The following PLPPR1 variants were observed in gnomAD, a reference collection of about 807,000 sequenced individuals.
PLPPR1 encodes the protein phospholipid phosphatase related 1, also known as phospholipid phosphatase-related protein type 1.
Under a neutral mutation model 33.1 loss-of-function variants are expected in PLPPR1, and 10 were observed. The ratio of observed to expected loss-of-function variants is 0.30; its 90% CI spans 0.19 to 0.51. The LOEUF (loss-of-function observed/expected upper bound fraction) is 0.51. Ranked by LOEUF, PLPPR1 falls within the 20% of genes least tolerant of loss-of-function variation. The pLI is 0.97. For synonymous variants in PLPPR1, 151 were observed against 151.0 expected (o/e 1.00, Z 0.00); for missense variants, 304 against 408.1 (o/e 0.74, Z 2.20).
intron 1 of PLPPR1, among the ~76,000 whole-genome samples, chr9:101,163,090 G>A (rs1315479865): frequency 6.6e-6 from 1 of 152,032 alleles, no homozygotes; most frequent in African/African-American, 2.4e-5. Flanking sequence ...AGGTGTCCTG[G>A]GAATTAACCT....
intron 3 of PLPPR1, among the ~76,000 whole-genome samples, chr9:101,280,642 G>A (rs1432921223): frequency 6.6e-6 from 1 of 152,058 alleles, no homozygotes. Context: ...ATCAATCAAT[G>A]TGATACATCA....
At chr9:101,304,417 G>A (rs962303803) in intron 4 of PLPPR1, among the ~76,000 whole-genome samples, 3 of 152,106 alleles carry the variant, frequency 2.0e-5, no homozygotes, top group African/African-American at 7.2e-5. Context: ...CTAGGTGCTG[G>A]GAATACAATG....
At chr9:101,211,742 G>A (rs893539226) in intron 2 of PLPPR1, among the ~76,000 whole-genome samples, 4 of 152,204 alleles carry the variant, frequency 2.6e-5, no homozygotes, top group Non-Finnish European at 4.4e-5. Flanking sequence ...CTTTTGGACA[G>A]AAGGAGTAAC....
At position 101,316,616 on chromosome 9, in the gene PLPPR1, C is replaced by CAAAAAAAAAAAAAAAAAAAAAAAA. The variant is rs553324474; in HGVS notation, c.814-737_814-736insAAAAAAAAAAAAAAAAAAAAAAAA. On this transcript the variant is annotated intron_variant, in intron 6 of 7. Transcript: ENST00000374874. ...AGGGAAAAGGAGGGTTCTTCTTGGG[C>CAAAAAAAAAAAAAAAAAAAAAAAA]AAAAAAAAAAAAGCAGGGAAGATGG... Among the ~76,000 whole-genome samples, 23 of 82,526 alleles carry CAAAAAAAAAAAAAAAAAAAAAAAA rather than the reference C, an allele frequency of 2.8e-4. 3 individuals carry two copies. The highest frequency in any genetic ancestry group is 5.6e-3 in the Middle Eastern group (1 of 178). 54.1% of individuals were successfully genotyped at this position (82,526 alleles called of 152,430 possible). A position where few individuals can be genotyped will look rare whatever the true frequency, so the allele number is the denominator to read the frequency against.
At chr9:101,208,219 G>A (rs758636207) in intron 2 of PLPPR1, among the ~76,000 whole-genome samples, 1 of 152,184 alleles carries the variant, frequency 6.6e-6, no homozygotes, top group Non-Finnish European at 1.5e-5. Context: ...TTTTTAAGGG[G>A]ACAGTGTAGA....
chr9:101,113,065 C>G (rs117284888), intron 1 of PLPPR1, among the ~76,000 whole-genome samples: 1,568 of 152,244 alleles, frequency 0.01, 10 homozygotes, highest in Middle Eastern at 0.02. Context: ...GTTGTATATA[C>G]CTGGACCCTC....
chr9:101,207,792 A>AGTGCT (rs574881583), intron 2 of PLPPR1, among the ~76,000 whole-genome samples: 74 of 152,330 alleles, frequency 4.9e-4, no homozygotes, highest in South Asian at 4.4e-3. Flanking sequence ...AAAAAGAAAG[A>AGTGCT]GTGCTTCTGG....
chr9:101,106,220 G>C (rs967809760), intron 1 of PLPPR1, among the ~76,000 whole-genome samples: 1 of 147,452 alleles, frequency 6.8e-6, no homozygotes, highest in Non-Finnish European at 1.5e-5. Flanking sequence ...TTGCTCGTTA[G>C]TTGATGCAGT....
chr9:101,178,598 C>T (rs1826053045), intron 1 of PLPPR1, among the ~76,000 whole-genome samples: 1 of 152,166 alleles, frequency 6.6e-6, no homozygotes. Flanking sequence ...TGGGCTCATG[C>T]TCATGGAATT....
intron 1 of PLPPR1, among the ~76,000 whole-genome samples, chr9:101,159,520 G>A (rs1307834205): frequency 6.6e-6 from 1 of 152,220 alleles, no homozygotes; most frequent in Non-Finnish European, 1.5e-5. Context: ...AAGGTGGAAT[G>A]AGAGACTTCC....
At chr9:101,321,621 C>T (rs1829151949) in intron 7 of PLPPR1, among the ~76,000 whole-genome samples, 1 of 151,958 alleles carries the variant, frequency 6.6e-6, no homozygotes. Context: ...CAGTTGAGTT[C>T]TTGTCCACAC....
chr9:101,043,206 G>A (rs1457821284), intron 1 of PLPPR1, among the ~76,000 whole-genome samples: 2 of 151,776 alleles, frequency 1.3e-5, no homozygotes, highest in African/African-American at 4.8e-5. Flanking sequence ...ATAGTCTCCA[G>A]TCCCATCTAG....
Position 101,307,982 on chromosome 9 carries a change from A to G in PLPPR1, c.386-1229A>G, listed in dbSNP as rs61297637. On this transcript the variant is annotated intron_variant, in intron 4 of 7. Transcript: ENST00000374874. ...TCACAGCAAAGCTTTCTGTAAGGAA[A>G]CCTCTGCATGTTCAAGCTTGTTGGG... Among the ~76,000 whole-genome samples the G allele has an allele frequency of 2.9e-3, 448 of 152,258 alleles. 4 individuals are homozygous for G. The highest frequency in any genetic ancestry group is 9.8e-3 in the African/African-American group (405 of 41,514).
At chr9:101,135,803 A>G (rs1314175608) in intron 1 of PLPPR1, among the ~76,000 whole-genome samples, 1 of 152,186 alleles carries the variant, frequency 6.6e-6, no homozygotes, top group African/African-American at 2.4e-5. Context: ...ACATTCTTGT[A>G]CATTTTCACC....
chr9:101,142,828 T>A (rs765164609), intron 1 of PLPPR1, among the ~76,000 whole-genome samples: 2 of 152,118 alleles, frequency 1.3e-5, no homozygotes, highest in Non-Finnish European at 2.9e-5. Flanking sequence ...CCCATTATAG[T>A]GGGCAGAGGA....
At chr9:101,282,423 G>C (rs35870850) in intron 3 of PLPPR1, among the ~76,000 whole-genome samples, 1 of 151,888 alleles carries the variant, frequency 6.6e-6, no homozygotes, top group African/African-American at 2.4e-5. Context: ...CAATACAATA[G>C]AGGCCATATG....
At chr9:101,040,089 A>G (rs931209617) in intron 1 of PLPPR1, among the ~76,000 whole-genome samples, 2 of 152,322 alleles carry the variant, frequency 1.3e-5, no homozygotes, top group South Asian at 4.1e-4. Context: ...TTTGATCAAT[A>G]CATCAAAACT....
intron 1 of PLPPR1, among the ~76,000 whole-genome samples, chr9:101,086,923 A>G (rs1830684241): frequency 6.6e-6 from 1 of 152,188 alleles, no homozygotes; most frequent in Non-Finnish European, 1.5e-5. Context: ...TCAGGCCTAT[A>G]ATCCTAACAC....
chr9:101,039,734 A>T (rs1036949733), intron 1 of PLPPR1, among the ~76,000 whole-genome samples: 6 of 152,020 alleles, frequency 3.9e-5, no homozygotes, highest in Non-Finnish European at 8.8e-5. Flanking sequence ...TTATACAGGG[A>T]AACTCCTGTT....
Sources: gnomAD v4.1 joint callset for allele counts (sites outside exome capture counted in the v4.1 genomes callset) on GRCh38, gnomAD v4.1.1 for gene constraint, MANE v1.5 for transcripts, NCBI Gene and HGNC (gene_info 2026-07-23, HGNC 2026-07-21) for gene names.